ANK3: variants seen among roughly 807,000 people sequenced by gnomAD.
ANK3 encodes ankyrin 3.
Under a neutral mutation model 370.9 loss-of-function variants are expected in ANK3, and 57 were observed. The ratio of observed to expected loss-of-function variants is 0.15; its 90% CI spans 0.12 to 0.19. The LOEUF (loss-of-function observed/expected upper bound fraction) is 0.19. Ranked by LOEUF, ANK3 falls within the 10% of genes least tolerant of loss-of-function variation. The pLI is 1.00. For missense variants in ANK3, 4,439 were observed against 5,302.1 expected (o/e 0.84, Z 5.06); for synonymous variants, 1,929 against 1,946.3 (o/e 0.99, Z 0.23).
intron 2 of ANK3, among the ~76,000 whole-genome samples, chr10:60,551,759 T>C (rs1272839645): frequency 6.6e-6 from 1 of 152,162 alleles, no homozygotes; most frequent in African/African-American, 2.4e-5. Flanking sequence ...ATGACCTTTA[T>C]ATGCATGTAA....
intron 1 of ANK3, among the ~76,000 whole-genome samples, chr10:60,705,617 T>A (rs1255571650): frequency 6.6e-6 from 1 of 152,052 alleles, no homozygotes; most frequent in Non-Finnish European, 1.5e-5. Flanking sequence ...GATAATGGCA[T>A]AGAGTAGCTG....
intron 2 of ANK3, among the ~76,000 whole-genome samples, chr10:60,481,674 G>A (rs1209588358): frequency 6.6e-6 from 1 of 152,114 alleles, no homozygotes; most frequent in African/African-American, 2.4e-5. Context: ...ATGTTGGCCA[G>A]GCTGGTCTCA....
At chr10:60,080,909 A>C (rs900086911) in intron 35 of ANK3, among the ~76,000 whole-genome samples, 32 of 152,202 alleles carry the variant, frequency 2.1e-4, no homozygotes, top group Non-Finnish European at 2.6e-4. Flanking sequence ...GTTCATATTG[A>C]AAGCACATAT....
intron 1 of ANK3, among the ~76,000 whole-genome samples, chr10:60,672,471 T>A (rs61339749): frequency 0.052 from 7,987 of 152,222 alleles, 294 homozygotes; most frequent in African/African-American, 0.088. Flanking sequence ...CTACATAAAG[T>A]TCCCTGAACT....
chr10:60,632,666 C>T (rs541589968), intron 1 of ANK3, among the ~76,000 whole-genome samples: 1 of 152,120 alleles, frequency 6.6e-6, no homozygotes, highest in East Asian at 1.9e-4. Context: ...GCAGGAACAT[C>T]GCTTGAGCCC....
In ANK3 at chr10:60,132,142, T is replaced by TCC. The variant is rs2094109434; in HGVS notation, c.2841+2128_2841+2129insGG. On this transcript the variant is annotated intron_variant, in intron 25 of 43. Transcript: ENST00000280772. ...GACCACAGCCAACCAAGCAGAAAAT[T>TCC]TCAACCAATTCCTGGCAACACCTTA... 2.0e-5 allele frequency among the ~76,000 whole-genome samples: 3 copies of TCC among 152,108 alleles called. No homozygotes were observed. The South Asian group carries it at 6.2e-4, about 32-fold the overall frequency.
chr10:60,332,811 C>G (rs1418385483), intron 1 of ANK3, among the ~76,000 whole-genome samples: 2 of 152,114 alleles, frequency 1.3e-5, no homozygotes, highest in Non-Finnish European at 2.9e-5. Context: ...TTGACCATTC[C>G]AAGAATCGAT....
At chr10:60,682,014 G>A (rs1430479464) in intron 1 of ANK3, among the ~76,000 whole-genome samples, 1 of 152,110 alleles carries the variant, frequency 6.6e-6, no homozygotes, top group Non-Finnish European at 1.5e-5. Context: ...AGCTGGGCAT[G>A]ATGGTACCTG....
rs3045340 is a variant in ANK3 at position 60,100,234 on chromosome 10, GTTTTTTT to G, written c.3328+5664_3328+5670del. On this transcript the variant is annotated intron_variant, in intron 28 of 43. Transcript: ENST00000280772. Reference sequence around the variant, plus strand: ...GGCTGAAAGTCAGTATTTTGCTATGGTTTTTTTTTTTTTTTTTTTTTTGCACCCCAAC... The same window carrying G: ...GGCTGAAAGTCAGTATTTTGCTATGGTTTTTTTTTTTTTTTGCACCCCAAC... Among the ~76,000 whole-genome samples, 216 of 57,916 alleles carry G rather than the reference GTTTTTTT, an allele frequency of 3.7e-3. 3 individuals carry two copies. The highest frequency in any genetic ancestry group is 0.016 in the African/African-American group (187 of 11,750). The allele number at this position is 57,916 out of a possible 152,430, so 38.0% of individuals were successfully genotyped here.
Position 60,055,978 on chromosome 10 carries a change from C to G in ANK3, c.12745G>C (p.Glu4249Gln). Residue 4249 changes from glutamate (E) to glutamine (Q), a missense_variant, in exon 42 of 44, where the codon GAA (glutamate) becomes CAA (glutamine). Coordinates refer to ENST00000280772, the MANE Select transcript of ANK3 (RefSeq NM_020987.5). ...ATTTCTGTATGGCTTCCATTTGCTT[C>G]AAATTTGCCAGCTTCTCCTTTGAGA... ...SYLKGEAGKF[E>Q]ANGSHTEITP... 6.2e-7 allele frequency: 1 copy of G among 1,613,880 alleles called. No individual in the cohort carries two copies. Among genetic ancestry groups the G allele is most frequent in the South Asian group, 1.1e-5 (1 of 91,066 alleles).
intron 1 of ANK3, among the ~76,000 whole-genome samples, chr10:60,373,470 G>C (rs1273895581): frequency 1.3e-5 from 2 of 152,176 alleles, no homozygotes; most frequent in Admixed American, 1.3e-4. Context: ...GCCCAAAGCT[G>C]AATTTTATAT....
chr10:60,688,917 C>T (rs1287911268), intron 1 of ANK3, among the ~76,000 whole-genome samples: 1 of 149,818 alleles, frequency 6.7e-6, no homozygotes, highest in African/African-American at 2.5e-5. Context: ...CACTGCACTC[C>T]AGCCTAGGCG....
At chr10:60,268,391 T>C (rs1341767256) in intron 5 of ANK3, among the ~76,000 whole-genome samples, 1 of 152,172 alleles carries the variant, frequency 6.6e-6, no homozygotes, top group Non-Finnish European at 1.5e-5. Context: ...TATGGACATT[T>C]TCCTATATCA....
chr10:60,254,827 A>C (rs2097713457), intron 7 of ANK3, among the ~76,000 whole-genome samples: 1 of 152,204 alleles, frequency 6.6e-6, no homozygotes. Flanking sequence ...AGGGAGAGGA[A>C]AGCAGGTTTG....
intron 2 of ANK3, among the ~76,000 whole-genome samples, chr10:60,459,501 C>T (rs184388222): frequency 6.6e-6 from 1 of 152,236 alleles, no homozygotes; most frequent in African/African-American, 2.4e-5. Flanking sequence ...AGTCTTTACT[C>T]AGCTATTTTT....
chr10:60,239,680 AG>A (rs2097394252), intron 7 of ANK3, among the ~76,000 whole-genome samples: 1 of 152,164 alleles, frequency 6.6e-6, no homozygotes. Flanking sequence ...CAAGAAATGA[AG>A]GGCTCTGGAA....
rs1589598063 is a variant in ANK3, at chr10:60,073,316, A to G, written c.7565T>C (p.Val2522Ala). The change falls in exon 37 of 44, where the codon GTT becomes GCT. Residue 2522 changes from valine (V) to alanine (A), a missense_variant. By Grantham distance (64) the Val-to-Ala change is moderately conservative. Around this residue, in one of 13 missense-constraint regions of ANK3, gnomAD observed 1,601 missense variants for 1,731.7 expected, o/e 0.92. Transcript: ENST00000280772. ...KEILSKIYKDVSENGVGKVSK... is the reference protein window; with the variant it reads ...KEILSKIYKDASENGVGKVSK... ...CACTTTACCTACACCATTTTCAGAA[A>G]CATCTTTATAGATTTTGGAGAGAAT... 6.2e-7 allele frequency: 1 copy of G among 1,614,054 alleles called. No individual in the cohort carries two copies. Among genetic ancestry groups the G allele is most frequent in the East Asian group, 2.2e-5 (1 of 44,880 alleles).
chr10:60,062,930 A>T, intron 40 of ANK3, 181 bp downstream of exon 40: 1 of 557,538 alleles, frequency 1.8e-6, no homozygotes, highest in East Asian at 2.9e-5. Context: ...TTGTATATAA[A>T]CAGAGGTATT....
At chr10:60,721,671 A>C (rs1399865661) in intron 1 of ANK3, among the ~76,000 whole-genome samples, 5 of 152,204 alleles carry the variant, frequency 3.3e-5, no homozygotes, top group Non-Finnish European at 7.3e-5. Flanking sequence ...TGACACCGAT[A>C]TCTAACTTGG....
Sources: allele counts gnomAD v4.1 joint callset (sites outside exome capture counted in the v4.1 genomes callset), GRCh38; gene constraint gnomAD v4.1.1; regional missense constraint gnomAD v4.1.1; transcripts MANE v1.5; gene names NCBI Gene and HGNC (gene_info 2026-07-23, HGNC 2026-07-21).